DUS3L: variants seen among roughly 807,000 people sequenced by gnomAD.
The protein encoded by DUS3L is dihydrouridine synthase 3 like, also known as tRNA-dihydrouridine(47) synthase [NAD(P)(+)]-like.
DUS3L carries 62 observed loss-of-function variants against 74.6 expected under a neutral mutation model. The observed-to-expected ratio is 0.83, with a 90% CI of 0.68 to 1.03. The LOEUF (loss-of-function observed/expected upper bound fraction) is 1.03, where lower values mean the gene tolerates loss of function less well. Among genes scored for constraint, DUS3L ranks in the 50% least tolerant of loss-of-function variants. The pLI, the probability that DUS3L is intolerant of heterozygous loss-of-function variation, is 0.00. For missense variants in DUS3L, 884 were observed against 924.4 expected, an observed-to-expected ratio of 0.96 and a Z score of 0.57; for synonymous variants, 433 against 395.7, an observed-to-expected ratio of 1.09 and a Z score of -1.12.
chr19:5,787,981 C>T, intron 5 of DUS3L, 43 bp downstream of exon 5: 1 of 1,603,936 alleles, frequency 6.2e-7, no homozygotes, highest in Non-Finnish European at 8.5e-7. Flanking sequence ...GACAGGACGG[C>T]CGAGGGCCCC....
At chr19:5,787,839 T>C in intron 5 of DUS3L, 134 bp from the exon 6 acceptor site, 1 of 1,432,800 alleles carries the variant, frequency 7.0e-7, no homozygotes, top group East Asian at 2.3e-5. Flanking sequence ...GGAGCCAAGG[T>C]CTGTCTGCGA....
At position 5,790,338 on chromosome 19, in the gene DUS3L, G is replaced by T; in HGVS notation, c.99-3C>A. The T allele has an allele frequency of 6.2e-7, 1 of 1,613,878 alleles. No individual in the cohort carries two copies. Among genetic ancestry groups the T allele is most frequent in the Non-Finnish European group, 8.5e-7 (1 of 1,179,876 alleles). On this transcript the variant is annotated splice_polypyrimidine_tract_variant and splice_region_variant and intron_variant, in intron 1 of 12. Coordinates refer to ENST00000309061, the MANE Select transcript of DUS3L (RefSeq NM_020175.3). ...ACTGCTCCTTGGTGGTGAGGTATCT[G>T]CCGACAGAAAGGGAAAGGAAAACCC...
At chr19:5,786,376 C>A in intron 10 of DUS3L, 91 bp downstream of exon 10, 1 of 1,300,738 alleles carries the variant, frequency 7.7e-7, no homozygotes, top group Non-Finnish European at 1.1e-6. Context: ...ACCAACAGCC[C>A]ACCACAGAAC....
chr19:5,785,721 C>T lies in DUS3L; in HGVS notation c.1633G>A (p.Glu545Lys), dbSNP rs371175612. The T allele has an allele frequency of 5.0e-5, 80 of 1,611,952 alleles. No homozygotes were observed. In the East Asian group the frequency reaches 5.1e-4, roughly 10 times the overall value. ...AAGTCCCGCAGGATGTCCAGGCGCTCGGACGACGAGATGTCCCAGTGCCGC... is the reference window on the plus strand; with the variant it reads ...AAGTCCCGCAGGATGTCCAGGCGCTTGGACGACGAGATGTCCCAGTGCCGC... ...EQRHWDISSS[E>K]RLDILRDFTN... The change falls in exon 11 of 13, where the codon GAG becomes AAG. Residue 545 changes from glutamate to lysine, a missense_variant. Physicochemically the swap from Glu to Lys is moderately conservative, Grantham distance 56. Transcript: ENST00000309061.
chr19:5,789,799 C>T, intron 2 of DUS3L, 80 bp from the exon 3 acceptor site: 2 of 1,519,418 alleles, frequency 1.3e-6, no homozygotes, highest in Non-Finnish European at 1.8e-6. Context: ...AACTCTAGAT[C>T]ACCCCTCCTG....
rs753697925 is a variant in DUS3L at position 5,786,809 on chromosome 19, G to A, written c.1426C>T (p.Leu476=). ...TCCTCGATGTACTGCCAGTCGGCTAGCTTGGTGTAGCGCTGCTCCCGAGAG... is the reference window on the plus strand; with the variant it reads ...TCCTCGATGTACTGCCAGTCGGCTAACTTGGTGTAGCGCTGCTCCCGAGAG... ...GRSREQRYTK[L]ADWQYIEECV... Residue 476 remains leucine (L), a synonymous_variant, in exon 9 of 13, where the codon CTA becomes TTA. Transcript: ENST00000309061. 2 of 1,611,898 alleles carry A rather than the reference G, an allele frequency of 1.2e-6. No homozygotes were observed. Among genetic ancestry groups the A allele is most frequent in the Non-Finnish European group, 8.5e-7 (1 of 1,179,776 alleles).
In DUS3L at chr19:5,787,681, T is replaced by C; in HGVS notation, c.1120A>G (p.Met374Val). The C allele has an allele frequency of 6.2e-7, 1 of 1,613,668 alleles. No individual in the cohort carries two copies. The highest frequency in any genetic ancestry group is 8.5e-7 in the Non-Finnish European group (1 of 1,179,968). ...CTCAGCAGCTCGGCACACTTGGTCA[T>C]GGTGTCGGGGAAGGCGCCCTCCAGC... ...VQLEGAFPDTMTKCAELLSRT... is the reference protein window; with the variant it reads ...VQLEGAFPDTVTKCAELLSRT... The change falls in exon 6 of 13, where the codon ATG (methionine) becomes GTG (valine). Residue 374 changes from methionine (M) to valine (V), a missense_variant. Physicochemically the swap from Met to Val is conservative, Grantham distance 21. Transcript: ENST00000309061.
intron 5 of DUS3L, 71 bp downstream of exon 5, chr19:5,787,953 C>T (rs374680459): frequency 1.9e-5 from 30 of 1,585,052 alleles, no homozygotes; most frequent in East Asian, 1.6e-4. Context: ...CCAGGGCAGA[C>T]CTGGAACCTG....
rs751679014 is a variant in DUS3L at position 5,786,865 on chromosome 19, G to A, written c.1390-20C>T. On this transcript the variant is annotated intron_variant, in intron 8 of 12. Coordinates refer to ENST00000309061, the MANE Select transcript of DUS3L (RefSeq NM_020175.3). Reference sequence around the variant, plus strand: ...GTGGAGCTGGGGGAGAAGCCGCCACGCAGGGTAGGAGGCAGAGAGTGAGAC... The same window carrying A: ...GTGGAGCTGGGGGAGAAGCCGCCACACAGGGTAGGAGGCAGAGAGTGAGAC... The A allele has an allele frequency of 1.2e-5, 19 of 1,596,132 alleles. No individual in the cohort carries two copies. In the Admixed American group the frequency reaches 1.8e-4, roughly 15 times the overall value.
At position 5,787,633 on chromosome 19, in the gene DUS3L, CA is replaced by C. The variant is rs1258642476; in HGVS notation, c.1167del (p.Phe389LeufsTer23). 1.2e-6 allele frequency: 2 copies of C among 1,613,912 alleles called. No homozygotes were observed. Among genetic ancestry groups the C allele is most frequent in the Non-Finnish European group, 1.7e-6 (2 of 1,179,992 alleles). ...ELLSRTVEVD[F>X]VDINVGCPID... ...ATGGGGCAGCCGACGTTGATGTCCA[CA>C]AAGTCCACCTCCACGGTGCGGCTCA... On this transcript the variant is annotated frameshift_variant, in exon 6 of 13. Transcript: ENST00000309061. LOFTEE classifies it high-confidence loss of function.
Position 5,785,604 on chromosome 19 carries a change from G to T in DUS3L, c.1750C>A (p.Arg584=), listed in dbSNP as rs768788999. 5 of 1,601,580 alleles carry T rather than the reference G, an allele frequency of 3.1e-6. No individual in the cohort carries two copies. The African/African-American group carries it at 6.7e-5, about 21-fold the overall frequency. The change falls in exon 11 of 13, where the codon CGG becomes AGG. Residue 584 remains arginine, a splice_region_variant and synonymous_variant. Coordinates refer to ENST00000309061, the MANE Select transcript of DUS3L (RefSeq NM_020175.3). The part of the protein sequence containing the change: ...FLLEWLSFLC[R]YVPVGLLERL... ...ACCCCAGCCAGCCCCGGTGCCCACC[G>T]GCACAGGAAGGACAGCCACTCGAGC...
chr19:5,790,366 C>T (rs1599623989), intron 1 of DUS3L, 31 bp from the exon 2 acceptor site: 2 of 1,612,370 alleles, frequency 1.2e-6, no homozygotes, highest in African/African-American at 1.3e-5. Flanking sequence ...GAAAACCCTC[C>T]GAACATAGTC....
chr19:5,789,116 G>A (rs938621297), intron 3 of DUS3L, 91 bp downstream of exon 3: 2 of 1,475,082 alleles, frequency 1.4e-6, no homozygotes, highest in Non-Finnish European at 9.0e-7. Flanking sequence ...TGACTCCCAG[G>A]CAGCTAGAAC....
rs1226633416 is a variant in DUS3L at position 5,790,143 on chromosome 19, T to C, written c.291A>G (p.Leu97=). The C allele has an allele frequency of 1.2e-6, 2 of 1,614,154 alleles. No homozygotes were observed. Among genetic ancestry groups the C allele is most frequent in the Non-Finnish European group, 1.7e-6 (2 of 1,180,014 alleles). Residue 97 remains leucine, a synonymous_variant, in exon 2 of 13, where the codon CTA becomes CTG. Transcript: ENST00000309061. ...GTCCCCGGGCCCTCTTCTGAGTCTG[T>C]AGCTGCTCCCCGGGCTCTGCTGCCT... ...TEEAAEPGEQ[L]QTQKRARGQN... is the part of the protein sequence containing the mutation.
chr19:5,789,646 T>G lies in DUS3L; in HGVS notation c.461A>C (p.Lys154Thr), dbSNP rs2056890409. The change falls in exon 3 of 13, where the codon AAG (lysine) becomes ACG (threonine). Residue 154 changes from lysine (K) to threonine (T), a missense_variant. Physicochemically the swap from Lys to Thr is moderately conservative, Grantham distance 78. Coordinates refer to ENST00000309061, the MANE Select transcript of DUS3L (RefSeq NM_020175.3). ...GCAGCGGGGGCCCAGGTCGGCCGGC[T>G]TGGTCTCCAGGTAGCGCCCCACGTC... is the stretch of plus-strand genomic sequence containing the variant. ...LHDVGRYLET[K>T]PADLGPRCVL... The G allele has an allele frequency of 3.7e-6, 6 of 1,608,568 alleles. No homozygotes were observed. The highest frequency in any genetic ancestry group is 4.2e-6 in the Non-Finnish European group (5 of 1,178,508).
At position 5,787,099 on chromosome 19, in the gene DUS3L, G is replaced by T; in HGVS notation, c.1351C>A (p.Leu451Met). The T allele has an allele frequency of 6.4e-7, 1 of 1,558,598 alleles. No individual in the cohort carries two copies. ...ACGCCCCAGTCCCGCAGCTCGGGCA[G>T]CAGGCGGTGCGCCAGGTTCACACGC... ...QERVNLAHRL[L>M]PELRDWGVAL... The change falls in exon 8 of 13, where the codon CTG becomes ATG. Residue 451 changes from leucine (L) to methionine (M), a missense_variant. Leu to Met is a conservative substitution (Grantham distance 15). Transcript: ENST00000309061.
At chr19:5,787,793 G>A (rs2056868761) in intron 5 of DUS3L, 88 bp from the exon 6 acceptor site, 20 of 1,503,790 alleles carry the variant, frequency 1.3e-5, no homozygotes, top group Non-Finnish European at 1.3e-5. Flanking sequence ...GGGGGGCCCT[G>A]AGCCAGTGGC....
rs1315032908 is a variant in DUS3L, at chr19:5,785,245, G to A, written c.1911C>T (p.Ser637=). 6.2e-7 allele frequency: 1 copy of A among 1,610,780 alleles called. No individual in the cohort carries two copies. Among genetic ancestry groups the A allele is most frequent in the East Asian group, 2.2e-5 (1 of 44,832 alleles). ...CCTTGTGCTTCGGCAAGAAGGCGAA[G>A]CTGGGGGGCACTGGCCCAAGGAGCA... The part of the protein sequence containing the change: ...SEMLLGPVPP[S]FAFLPKHKAN... Residue 637 remains serine, a synonymous_variant, in exon 13 of 13, where the codon AGC becomes AGT. Coordinates refer to ENST00000309061, the MANE Select transcript of DUS3L (RefSeq NM_020175.3).
chr19:5,786,038 G>T, intron 10 of DUS3L: 1 of 512,718 alleles, frequency 2.0e-6, no homozygotes, highest in East Asian at 3.4e-5. Context: ...TTCAACCTCC[G>T]TCTCCCAGGT....
Sources: gnomAD v4.1 joint callset for allele counts on GRCh38, gnomAD v4.1.1 for gene constraint, MANE v1.5 for transcripts, NCBI Gene and HGNC (gene_info 2026-07-23, HGNC 2026-07-21) for gene names.